PLA2G4F: variants seen among roughly 807,000 people sequenced by gnomAD.
The protein encoded by PLA2G4F is cytosolic phospholipase A2 zeta.
In PLA2G4F, 105 loss-of-function variants were observed where a neutral mutation model predicts 103.1. That is an observed-to-expected ratio of 1.02 (90% confidence interval 0.87 to 1.20). The LOEUF (loss-of-function observed/expected upper bound fraction) is 1.20. Ranked by LOEUF, PLA2G4F falls within the 50% of genes most tolerant of loss-of-function variation. The pLI is 0.00. For missense variants in PLA2G4F, 1,155 were observed against 1,075.9 expected (o/e 1.07, Z -1.03); for synonymous variants, 468 against 441.1 (o/e 1.06, Z -0.76).
intron 7 of PLA2G4F, chr15:42,151,105 A>T (rs145353195): frequency 2.0e-6 from 2 of 985,058 alleles, no homozygotes; most frequent in African/African-American, 3.5e-5. Context: ...TATGTTTATC[A>T]TAAGAATGAG....
chr15:42,155,613 C>A (rs944516774), intron 1 of PLA2G4F, 24 bp from the exon 2 acceptor site: 1 of 1,608,612 alleles, frequency 6.2e-7, no homozygotes, highest in South Asian at 1.1e-5. Context: ...ACTCCAGGGA[C>A]TCAGTCAGCT....
intron 16 of PLA2G4F, among the ~76,000 whole-genome samples, chr15:42,145,284 G>A (rs564010330): frequency 6.6e-6 from 1 of 152,324 alleles, no homozygotes; most frequent in Admixed American, 6.5e-5. Flanking sequence ...GGGCCCCCAT[G>A]AGCCATTTAA....
chr15:42,148,591 G>A lies in PLA2G4F; in HGVS notation c.1060-829C>T, dbSNP rs920213933. The A allele has an allele frequency of 4.4e-5, 42 of 961,024 alleles. No homozygotes were observed. The African/African-American group carries it at 4.6e-4, about 10-fold the overall frequency. 59.5% of individuals were successfully genotyped at this position (961,024 alleles called of 1,614,324 possible). On this transcript the variant is annotated intron_variant, in intron 11 of 19. Transcript: ENST00000397272. ...CATGGATGAATGTCCCCAGGGGTGC[G>A]GTGGGGAGGAACTAAATTGTCCCCC...
In PLA2G4F at chr15:42,143,996, G is replaced by A. The variant is rs2048851615; in HGVS notation, c.2124C>T (p.Ser708=). The A allele has an allele frequency of 1.2e-6, 2 of 1,609,520 alleles. No individual in the cohort carries two copies. Among genetic ancestry groups the A allele is most frequent in the South Asian group, 2.2e-5 (2 of 90,430 alleles). Residue 708 remains serine, a synonymous_variant, in exon 18 of 20, where the codon TCC becomes TCT. Transcript: ENST00000397272. Reference sequence around the variant, plus strand: ...AGCTCACCTCAAAAGGGGCTTCCAAGGAATAGTCAAAGGACAGAATGAGGT... The same window carrying A: ...AGCTCACCTCAAAAGGGGCTTCCAAAGAATAGTCAAAGGACAGAATGAGGT... The part of the protein sequence containing the change: ...AVDLILSFDY[S]LEAPFEVLKM...
At position 42,150,615 on chromosome 15, in the gene PLA2G4F, G is replaced by C. The variant is rs1397456468; in HGVS notation, c.764C>G (p.Ala255Gly). The change falls in exon 8 of 20, where the codon GCT (alanine) becomes GGT (glycine). Residue 255 changes from alanine (A) to glycine (G), a missense_variant. Coordinates refer to ENST00000397272, the MANE Select transcript of PLA2G4F (RefSeq NM_213600.4). ...LHVELMELLA[A>G]VQSGPSAELE... ...TCCTGGCGGCGCACTCACCTGCACAGCTGCCAGCAGCTCCATCAGCTCCAC... is the reference window on the plus strand; with the variant it reads ...TCCTGGCGGCGCACTCACCTGCACACCTGCCAGCAGCTCCATCAGCTCCAC... The C allele has an allele frequency of 2.5e-6, 4 of 1,608,274 alleles. No individual in the cohort carries two copies. The highest frequency in any genetic ancestry group is 3.4e-6 in the Non-Finnish European group (4 of 1,177,352).
intron 11 of PLA2G4F, chr15:42,148,522 C>T (rs1030067948): frequency 1.2e-5 from 10 of 811,832 alleles, no homozygotes; most frequent in African/African-American, 1.9e-5. Context: ...AGCCTCCCTC[C>T]ACCTCCCCTT....
rs769119251 is a variant in PLA2G4F, at chr15:42,141,314, G to T, written c.*670C>A. The T allele has an allele frequency of 2.2e-6, 1 of 456,718 alleles. No homozygotes were observed. The highest frequency in any genetic ancestry group is 1.5e-5 in the South Asian group (1 of 64,572). 28.3% of individuals were successfully genotyped at this position (456,718 alleles called of 1,614,324 possible). On this transcript the variant is annotated 3_prime_UTR_variant, in exon 20 of 20. Coordinates refer to ENST00000397272, the MANE Select transcript of PLA2G4F (RefSeq NM_213600.4). ...CTGGGTAACTGGCAGGGAGACACGC[G>T]CACATCTCCCACCTGGAGCAGCCAG...
intron 4 of PLA2G4F, 68 bp from the exon 5 acceptor site, chr15:42,153,728 G>A: frequency 6.4e-7 from 1 of 1,563,226 alleles, no homozygotes; most frequent in Non-Finnish European, 8.8e-7. Flanking sequence ...GTTCCTGCCT[G>A]CCAGCCCTGC....
At position 42,142,671 on chromosome 15, in the gene PLA2G4F, G is replaced by C. The variant is rs945569470; in HGVS notation, c.2186C>G (p.Pro729Arg). The C allele has an allele frequency of 6.2e-6, 10 of 1,614,004 alleles. No homozygotes were observed. The Admixed American group carries it at 1.0e-4, about 16-fold the overall frequency. Residue 729 changes from proline to arginine, a missense_variant, in exon 19 of 20, where the codon CCC (proline) becomes CGC (arginine). Physicochemically the swap from Pro to Arg is moderately radical, Grantham distance 103. Around this residue, in one of 3 missense-constraint regions of PLA2G4F, gnomAD observed 782 missense variants for 692.9 expected, o/e 1.13. Transcript: ENST00000397272. ...AGGGCCCACCTCGATGCTAGGGAAG[G>C]GGATTCCTCGGTCCAGGCAGTACTT... ...TEKYCLDRGI[P>R]FPSIEVGPED...
intron 4 of PLA2G4F, 146 bp downstream of exon 4, chr15:42,153,946 G>T: frequency 7.8e-7 from 1 of 1,275,832 alleles, no homozygotes; most frequent in Non-Finnish European, 1.1e-6. Context: ...GTATTAGAGG[G>T]AGACCTTTAT....
intron 17 of PLA2G4F, 61 bp downstream of exon 17, chr15:42,144,389 G>C (rs1461610168): frequency 9.5e-6 from 15 of 1,578,534 alleles, no homozygotes; most frequent in Non-Finnish European, 1.2e-5. Context: ...ACTGGCTCCA[G>C]TGAGCCAGAG....
Position 42,141,103 on chromosome 15 carries a change from A to G in PLA2G4F, c.*881T>C. On this transcript the variant is annotated 3_prime_UTR_variant, in exon 20 of 20. Coordinates refer to ENST00000397272, the MANE Select transcript of PLA2G4F (RefSeq NM_213600.4). ...TCCCTCTGCACTGCCCATGCCTTGG[A>G]GTAACCCACCTCCAGGAACTTGCAC... 2.5e-6 allele frequency: 1 copy of G among 399,796 alleles called. No homozygotes were observed. The highest frequency in any genetic ancestry group is 1.8e-5 in the South Asian group (1 of 54,626). The allele number at this position is 399,796 out of a possible 1,614,324, so 24.8% of individuals were successfully genotyped here. A position where few individuals can be genotyped will look rare whatever the true frequency, so the allele number is the denominator to read the frequency against.
rs1314293141 is a variant in PLA2G4F at position 42,141,672 on chromosome 15, G to A, written c.*312C>T. 1.9e-6 allele frequency: 1 copy of A among 518,302 alleles called. No homozygotes were observed. The highest frequency in any genetic ancestry group is 3.7e-6 in the Non-Finnish European group (1 of 268,122). 32.1% of individuals were successfully genotyped at this position (518,302 alleles called of 1,614,324 possible). ...CCTCTGAGGTCCTTCTGTGTCTGGG[G>A]TGGGCTCTGTGGCTCACCTGATTCT... On this transcript the variant is annotated 3_prime_UTR_variant, in exon 20 of 20. Coordinates refer to ENST00000397272, the MANE Select transcript of PLA2G4F (RefSeq NM_213600.4).
chr15:42,146,840 A>G (rs2048891281), intron 13 of PLA2G4F: 1 of 380,556 alleles, frequency 2.6e-6, no homozygotes, highest in East Asian at 4.9e-5. Flanking sequence ...CTCTCTCTGG[A>G]AGGGGGGCCG....
At position 42,141,817 on chromosome 15, in the gene PLA2G4F, A is replaced by C. The variant is rs1828750426; in HGVS notation, c.*167T>G. On this transcript the variant is annotated 3_prime_UTR_variant, in exon 20 of 20. Transcript: ENST00000397272. ...CACAAGGAGAGCCCTGCCCCAGTCCAAGCTGCAATTCTGCAAGAGCTTTCC... is the reference window on the plus strand; with the variant it reads ...CACAAGGAGAGCCCTGCCCCAGTCCCAGCTGCAATTCTGCAAGAGCTTTCC... 1.5e-6 allele frequency: 1 copy of C among 680,568 alleles called. No individual in the cohort carries two copies. The highest frequency in any genetic ancestry group is 1.9e-5 in the South Asian group (1 of 53,902). The allele number at this position is 680,568 out of a possible 1,614,324, so 42.2% of individuals were successfully genotyped here.
chr15:42,145,210 T>C (rs1452245203), intron 16 of PLA2G4F, among the ~76,000 whole-genome samples: 1 of 152,178 alleles, frequency 6.6e-6, no homozygotes, highest in African/African-American at 2.4e-5. Flanking sequence ...ACATCTGAGC[T>C]GAACTGAAGA....
rs200111531 is a variant in PLA2G4F, at chr15:42,147,702, C to G, written c.1120G>C (p.Gly374Arg). 36 of 1,613,914 alleles carry G rather than the reference C, an allele frequency of 2.2e-5. No homozygotes were observed. The highest frequency in any genetic ancestry group is 2.8e-5 in the Non-Finnish European group (33 of 1,179,974). The part of the protein sequence containing the change: ...GGTRAMSSLY[G>R]SLAGLQELGL... ...AGCTCCTGCAACCCTGCCAGGCTGC[C>G]GTACAGAGAAGACATGGCTCGGGTT... Residue 374 changes from glycine (G) to arginine (R), a missense_variant, in exon 12 of 20, where the codon GGC (glycine) becomes CGC (arginine). By Grantham distance (125) the Gly-to-Arg change is moderately radical (BLOSUM62 -2). Around this residue, in one of 3 missense-constraint regions of PLA2G4F, gnomAD observed 782 missense variants for 692.9 expected, o/e 1.13. Coordinates refer to ENST00000397272, the MANE Select transcript of PLA2G4F (RefSeq NM_213600.4).
intron 12 of PLA2G4F, 68 bp downstream of exon 12, chr15:42,147,558 T>C: frequency 1.3e-6 from 2 of 1,562,860 alleles, no homozygotes; most frequent in Non-Finnish European, 1.8e-6. Context: ...CTCCTTAAGA[T>C]CACCAGGTCA....
rs372512124 is a variant in PLA2G4F at position 42,142,003 on chromosome 15, C to T, written c.2531G>A (p.Arg844Gln). The T allele has an allele frequency of 8.4e-5, 135 of 1,613,912 alleles. No individual in the cohort carries two copies. The highest frequency in any genetic ancestry group is 6.1e-4 in the African/African-American group (46 of 75,040). Reference protein sequence around the residue: ...LQLALDRHQARERAGA With the variant: ...LQLALDRHQAQERAGA ...CCTTGGTCAGGCCCCTGCCCTCTCCCGAGCCTGGTGCCGGTCCAGAGCCAG... is the reference window on the plus strand; with the variant it reads ...CCTTGGTCAGGCCCCTGCCCTCTCCTGAGCCTGGTGCCGGTCCAGAGCCAG... Residue 844 changes from arginine to glutamine, a missense_variant, in exon 20 of 20, where the codon CGG becomes CAG. Physicochemically the swap from Arg to Gln is conservative, Grantham distance 43. Around this residue, in one of 3 missense-constraint regions of PLA2G4F, gnomAD observed 782 missense variants for 692.9 expected, o/e 1.13. Coordinates refer to ENST00000397272, the MANE Select transcript of PLA2G4F (RefSeq NM_213600.4).
Sources: gnomAD v4.1 joint callset for allele counts (sites outside exome capture counted in the v4.1 genomes callset) on GRCh38, gnomAD v4.1.1 for gene constraint, gnomAD v4.1.1 regional missense constraint, MANE v1.5 for transcripts, NCBI Gene and HGNC (gene_info 2026-07-23, HGNC 2026-07-21) for gene names.